The following CDH8 variants were observed in gnomAD, a reference collection of about 807,000 sequenced individuals.
CDH8 encodes cadherin-8.
A neutral mutation model predicts 68.1 loss-of-function variants in CDH8; 17 were observed. The ratio of observed to expected loss-of-function variants is 0.25; its 90% CI spans 0.17 to 0.37. The LOEUF (loss-of-function observed/expected upper bound fraction) is 0.37. CDH8 is among the 10% of genes least tolerant of loss of function. The probability of loss-of-function intolerance (pLI) is 1.00; values close to 1 mark genes in which losing one functional copy is unlikely to be tolerated. For missense variants in CDH8, 763 were observed against 999.3 expected (o/e 0.76, Z 3.19); for synonymous variants, 372 against 365.1 (o/e 1.02, Z -0.21).
At chr16:61,699,560 C>A (rs9934613) in intron 10 of CDH8, among the ~76,000 whole-genome samples, 32,120 of 151,958 alleles carry the variant, frequency 0.21, 3,744 homozygotes, top group Middle Eastern at 0.29. Context: ...CATCATTATT[C>A]TTTTTCATTT....
In CDH8 at chr16:62,021,615, G is replaced by T; in HGVS notation, c.-199-13C>A. 7.5e-7 allele frequency: 1 copy of T among 1,329,466 alleles called. No individual in the cohort carries two copies. The highest frequency in any genetic ancestry group is 9.6e-7 in the Non-Finnish European group (1 of 1,041,072). The allele number at this position is 1,329,466 out of a possible 1,614,324, so 82.4% of individuals were successfully genotyped here. On this transcript the variant is annotated splice_polypyrimidine_tract_variant and intron_variant, in intron 1 of 11. Transcript: ENST00000577390. ...TCATTGAAATTTCCTGCAAAAACAAGGAGGAAGAAAGATAAGGGTCTACTC... is the reference window on the plus strand; with the variant it reads ...TCATTGAAATTTCCTGCAAAAACAATGAGGAAGAAAGATAAGGGTCTACTC...
intron 8 of CDH8, among the ~76,000 whole-genome samples, chr16:61,769,790 C>T (rs1596951369): frequency 6.6e-6 from 1 of 151,882 alleles, no homozygotes; most frequent in East Asian, 1.9e-4. Flanking sequence ...AACTTCATGG[C>T]CAAACTACAC....
intron 2 of CDH8, among the ~76,000 whole-genome samples, chr16:61,996,628 C>T (rs1965808402): frequency 6.6e-6 from 1 of 151,972 alleles, no homozygotes; most frequent in African/African-American, 2.4e-5. Context: ...TTACCTAAAC[C>T]CATGGTTCAG....
chr16:61,653,205 C>T lies in CDH8; in HGVS notation c.*403G>A. On this transcript the variant is annotated 3_prime_UTR_variant, in exon 12 of 12. Transcript: ENST00000577390. ...AAAACCATTTGCATTCATAAAAATC[C>T]TTGCAGAAGACACATATCAGCAGCA... 8.3e-7 allele frequency: 1 copy of T among 1,207,542 alleles called. No homozygotes were observed. Among genetic ancestry groups the T allele is most frequent in the Admixed American group, 4.3e-5 (1 of 23,428 alleles). The allele number at this position is 1,207,542 out of a possible 1,614,324, so 74.8% of individuals were successfully genotyped here.
intron 1 of CDH8, among the ~76,000 whole-genome samples, chr16:62,031,083 C>T (rs1238987003): frequency 6.6e-6 from 1 of 152,090 alleles, no homozygotes; most frequent in African/African-American, 2.4e-5. Context: ...AGCAACTCCA[C>T]AATTAGTGCA....
intron 8 of CDH8, among the ~76,000 whole-genome samples, chr16:61,763,491 A>G (rs938281595): frequency 1.3e-5 from 2 of 152,124 alleles, no homozygotes; most frequent in Non-Finnish European, 2.9e-5. Flanking sequence ...AAGTCTACAG[A>G]ATGCACACTA....
At chr16:61,679,066 T>C (rs905551137) in intron 10 of CDH8, among the ~76,000 whole-genome samples, 1 of 152,068 alleles carries the variant, frequency 6.6e-6, no homozygotes, top group Admixed American at 6.6e-5. Context: ...TGTGTGGTTA[T>C]CTTATTTGCT....
At chr16:61,699,511 T>C (rs1323780100) in intron 10 of CDH8, among the ~76,000 whole-genome samples, 1 of 152,192 alleles carries the variant, frequency 6.6e-6, no homozygotes, top group East Asian at 1.9e-4. Flanking sequence ...CACTTTAACT[T>C]CAGTGGAGCG....
At chr16:61,960,513 C>T (rs1965135472) in intron 2 of CDH8, among the ~76,000 whole-genome samples, 2 of 152,016 alleles carry the variant, frequency 1.3e-5, no homozygotes, top group South Asian at 4.1e-4. Context: ...ATTGCCATCA[C>T]TCGGTAAAAG....
chr16:61,995,735 C>T (rs1011557343), intron 2 of CDH8, among the ~76,000 whole-genome samples: 1 of 152,124 alleles, frequency 6.6e-6, no homozygotes, highest in African/African-American at 2.4e-5. Flanking sequence ...AGAACAGATT[C>T]CATTAGGCAG....
intron 8 of CDH8, among the ~76,000 whole-genome samples, chr16:61,788,884 C>T (rs1400492067): frequency 6.6e-6 from 1 of 151,918 alleles, no homozygotes; most frequent in African/African-American, 2.4e-5. Context: ...ATAATCTCTC[C>T]TACCCAAAAT....
chr16:62,000,203 G>C (rs1473910165), intron 2 of CDH8, among the ~76,000 whole-genome samples: 1 of 152,202 alleles, frequency 6.6e-6, no homozygotes. Flanking sequence ...GTCTATCATT[G>C]ATAAGCATTT....
At chr16:61,883,759 C>G (rs1402546838) in intron 3 of CDH8, among the ~76,000 whole-genome samples, 1 of 151,468 alleles carries the variant, frequency 6.6e-6, no homozygotes, top group Non-Finnish European at 1.5e-5. Flanking sequence ...ACAACAAGAC[C>G]TCGAGAGAGT....
At chr16:61,893,436 G>A (rs1963813789) in intron 3 of CDH8, among the ~76,000 whole-genome samples, 1 of 150,770 alleles carries the variant, frequency 6.6e-6, no homozygotes, top group South Asian at 2.1e-4. Flanking sequence ...GTGTGTGTGT[G>A]TGTGTGTACA....
At chr16:61,964,986 T>C (rs759456500) in intron 2 of CDH8, among the ~76,000 whole-genome samples, 24 of 152,212 alleles carry the variant, frequency 1.6e-4, no homozygotes, top group Admixed American at 6.5e-4. Context: ...GTTCCTCTTA[T>C]ACATCTAGTT....
chr16:61,980,551 A>G (rs908374925), intron 2 of CDH8, among the ~76,000 whole-genome samples: 1 of 152,198 alleles, frequency 6.6e-6, no homozygotes, highest in Non-Finnish European at 1.5e-5. Flanking sequence ...GGGGTCCCCC[A>G]TCTACAACCC....
chr16:62,006,593 T>C (rs1183510082), intron 2 of CDH8, among the ~76,000 whole-genome samples: 1 of 152,228 alleles, frequency 6.6e-6, no homozygotes, highest in Non-Finnish European at 1.5e-5. Flanking sequence ...GTTCTATCTA[T>C]GTATATTCTC....
rs1963242078 is a variant in CDH8 at position 61,648,004 on chromosome 16, T to C, written c.*5604A>G. On this transcript the variant is annotated 3_prime_UTR_variant, in exon 12 of 12. Transcript: ENST00000577390. ...CAGGTAACTCAAGTTGGGGAAATAGTACCCAAAGGCACTATTTTCACCAGC... is the reference window on the plus strand; with the variant it reads ...CAGGTAACTCAAGTTGGGGAAATAGCACCCAAAGGCACTATTTTCACCAGC... The C allele has an allele frequency of 1.6e-6, 1 of 606,134 alleles. No individual in the cohort carries two copies. Among genetic ancestry groups the C allele is most frequent in the Non-Finnish European group, 2.9e-6 (1 of 339,060 alleles). The allele number at this position is 606,134 out of a possible 1,614,324, so 37.5% of individuals were successfully genotyped here. A position where few individuals can be genotyped will look rare whatever the true frequency, so the allele number is the denominator to read the frequency against.
rs1315264531 is a variant in CDH8 at position 61,745,934 on chromosome 16, T to C, written c.1415-18719A>G. ...TCATATAAAAGGTGTTATCTCCCTT[T>C]AGACAAATTTGGTTTTCTTCTCCCA... On this transcript the variant is annotated intron_variant, in intron 8 of 11. Coordinates refer to ENST00000577390, the MANE Select transcript of CDH8 (RefSeq NM_001796.5). Among the ~76,000 whole-genome samples the C allele has an allele frequency of 2.0e-5, 3 of 152,228 alleles. No individual in the cohort carries two copies. The East Asian group carries it at 5.8e-4, about 29-fold the overall frequency.
Sources: allele counts gnomAD v4.1 joint callset (sites outside exome capture counted in the v4.1 genomes callset), GRCh38; gene constraint gnomAD v4.1.1; transcripts MANE v1.5; gene names NCBI Gene and HGNC (gene_info 2026-07-23, HGNC 2026-07-21).